CTTNBP2: variants seen among roughly 807,000 people sequenced by gnomAD.
The protein encoded by CTTNBP2 is cortactin binding protein 2, also known as cortactin-binding protein 2.
A neutral mutation model predicts 156.9 loss-of-function variants in CTTNBP2; 108 were observed. The ratio of observed to expected loss-of-function variants is 0.69; its 90% CI spans 0.59 to 0.81. CTTNBP2 has a LOEUF of 0.81. CTTNBP2 is among the 30% of genes least tolerant of loss of function. The pLI is 0.00. For missense variants in CTTNBP2, 1,924 were observed against 2,035.4 expected, an observed-to-expected ratio of 0.95 and a Z score of 1.05; for synonymous variants, 767 against 751.8, an observed-to-expected ratio of 1.02 and a Z score of -0.33.
intron 7 of CTTNBP2, among the ~76,000 whole-genome samples, chr7:117,778,701 A>G (rs1483764161): frequency 6.6e-6 from 1 of 152,212 alleles, no homozygotes; most frequent in Non-Finnish European, 1.5e-5. Context: ...GGTTCTATCT[A>G]CAGTCTCTTC....
chr7:117,724,766 A>C lies in CTTNBP2; in HGVS notation c.4262-34T>G, dbSNP rs1794994831. On this transcript the variant is annotated intron_variant, in intron 18 of 22. Transcript: ENST00000160373. ...ACACAAATCACAGCAGGGATAATGC[A>C]GTTTCACTGATTAAAGCAAAATACA... 1.9e-6 allele frequency: 3 copies of C among 1,604,818 alleles called. No homozygotes were observed. The South Asian group carries it at 3.3e-5, about 18-fold the overall frequency.
intron 2 of CTTNBP2, among the ~76,000 whole-genome samples, chr7:117,814,365 G>A (rs557744697): frequency 2.6e-5 from 4 of 151,578 alleles, no homozygotes; most frequent in African/African-American, 4.8e-5. Context: ...AAATGCAGAC[G>A]AATTTTTTTC....
At chr7:117,868,708 C>T (rs549521266) in intron 1 of CTTNBP2, among the ~76,000 whole-genome samples, 1 of 152,184 alleles carries the variant, frequency 6.6e-6, no homozygotes, top group Non-Finnish European at 1.5e-5. Context: ...GTTACATAAG[C>T]TTTGCAAAGG....
chr7:117,804,761 G>A (rs898630282), intron 3 of CTTNBP2, among the ~76,000 whole-genome samples: 2 of 152,146 alleles, frequency 1.3e-5, no homozygotes, highest in Non-Finnish European at 2.9e-5. Context: ...CACACACTGG[G>A]GCCTGTTGGG....
intron 4 of CTTNBP2, among the ~76,000 whole-genome samples, chr7:117,787,837 A>AT (rs1798786210): frequency 6.6e-6 from 1 of 152,220 alleles, no homozygotes; most frequent in Non-Finnish European, 1.5e-5. Flanking sequence ...TAATTTTTAT[A>AT]GATAAAAGCT....
chr7:117,740,188 T>A (rs1032322612), intron 14 of CTTNBP2, among the ~76,000 whole-genome samples: 1 of 152,000 alleles, frequency 6.6e-6, no homozygotes, highest in East Asian at 1.9e-4. Flanking sequence ...TATGCTAGAA[T>A]AAGTGCTGTG....
At chr7:117,806,757 T>G (rs867678193) in intron 3 of CTTNBP2, among the ~76,000 whole-genome samples, 5,891 of 142,230 alleles carry the variant, frequency 0.041, 176 homozygotes, top group South Asian at 0.1. Context: ...TTTTTTTTTT[T>G]TTTTTTTTTT....
chr7:117,756,822 T>C (rs1343858255), intron 11 of CTTNBP2, among the ~76,000 whole-genome samples, 188 bp from the exon 12 acceptor site: 1 of 152,216 alleles, frequency 6.6e-6, no homozygotes, highest in Admixed American at 6.5e-5. Flanking sequence ...TTCTGGCTGA[T>C]AAACTGCCAC....
intron 2 of CTTNBP2, among the ~76,000 whole-genome samples, chr7:117,820,902 C>T (rs35000305): frequency 0.049 from 7,506 of 152,054 alleles, 317 homozygotes; most frequent in African/African-American, 0.11. Flanking sequence ...TTTGGTAAGT[C>T]ATTTTATATT....
At chr7:117,719,100 T>G (rs1794630801) in intron 21 of CTTNBP2, among the ~76,000 whole-genome samples, 1 of 152,106 alleles carries the variant, frequency 6.6e-6, no homozygotes, top group Admixed American at 6.5e-5. Context: ...CTTGGGAGGC[T>G]GAGGCAGGGA....
At chr7:117,829,684 G>C (rs1006074577) in intron 2 of CTTNBP2, among the ~76,000 whole-genome samples, 1 of 152,158 alleles carries the variant, frequency 6.6e-6, no homozygotes, top group African/African-American at 2.4e-5. Flanking sequence ...AACTGCCTCT[G>C]TGCTACAGTA....
chr7:117,739,911 G>C (rs530703065), intron 14 of CTTNBP2, among the ~76,000 whole-genome samples: 1 of 152,272 alleles, frequency 6.6e-6, no homozygotes, highest in East Asian at 1.9e-4. Context: ...ACAAAGGAAA[G>C]TTCCCTTGAA....
At chr7:117,799,140 A>G (rs575008348) in intron 3 of CTTNBP2, among the ~76,000 whole-genome samples, 4 of 152,058 alleles carry the variant, frequency 2.6e-5, no homozygotes, top group South Asian at 2.1e-4. Context: ...ACACCCTTTC[A>G]GAAAATAGAA....
intron 22 of CTTNBP2, chr7:117,712,303 C>T (rs942286312): frequency 6.6e-6 from 1 of 152,434 alleles, no homozygotes; most frequent in African/African-American, 2.4e-5. Context: ...ATCTTCCATA[C>T]TTGGAAGCTG....
intron 12 of CTTNBP2, among the ~76,000 whole-genome samples, chr7:117,754,987 G>T (rs1193665401): frequency 1.3e-5 from 2 of 152,180 alleles, no homozygotes; most frequent in Non-Finnish European, 2.9e-5. Context: ...GCTGACAAGG[G>T]GGAAGGGGAG....
chr7:117,808,905 G>A (rs1013841117), intron 3 of CTTNBP2, among the ~76,000 whole-genome samples: 1 of 152,130 alleles, frequency 6.6e-6, no homozygotes, highest in African/African-American at 2.4e-5. Flanking sequence ...CAGGGTAAGA[G>A]TACAAATTAT....
chr7:117,861,147 C>A, intron 2 of CTTNBP2, 62 bp downstream of exon 2: 1 of 954,752 alleles, frequency 1.0e-6, no homozygotes, highest in East Asian at 2.5e-5. Flanking sequence ...GAAGGTTTGC[C>A]AATGGCTCTT....
At chr7:117,862,056 T>TAC (rs150931611) in intron 1 of CTTNBP2, among the ~76,000 whole-genome samples, 4,124 of 149,204 alleles carry the variant, frequency 0.028, 75 homozygotes, top group South Asian at 0.066. Context: ...CACCAGCACA[T>TAC]ACACACACAC....
chr7:117,868,544 C>T lies in CTTNBP2; in HGVS notation c.81+4791G>A, dbSNP rs148781767. Among the ~76,000 whole-genome samples the T allele has an allele frequency of 3.8e-3, 575 of 152,240 alleles. 3 individuals carry two copies. The highest frequency in any genetic ancestry group is 0.012 in the African/African-American group (493 of 41,538). On this transcript the variant is annotated intron_variant, in intron 1 of 22. Transcript: ENST00000160373. ...TATATGGAAGGCATCATGCTGTACA[C>T]GGCATTAATAATATGATCTCATTAT...
Sources: allele counts gnomAD v4.1 joint callset (sites outside exome capture counted in the v4.1 genomes callset), GRCh38; gene constraint gnomAD v4.1.1; transcripts MANE v1.5; gene names NCBI Gene and HGNC (gene_info 2026-07-23, HGNC 2026-07-21).